Variants in CTNNA3 observed in about 807,000 individuals in gnomAD.
The protein encoded by CTNNA3 is catenin alpha 3.
CTNNA3 carries 76 observed loss-of-function variants against 95.7 expected under a neutral mutation model. The observed-to-expected ratio is 0.79, with a 90% CI of 0.66 to 0.96. The LOEUF (loss-of-function observed/expected upper bound fraction) is 0.96, where lower values mean the gene tolerates loss of function less well. Among genes scored for constraint, CTNNA3 ranks in the 40% least tolerant of loss-of-function variants. CTNNA3 has a pLI of 0.00. For synonymous variants in CTNNA3, 431 were observed against 374.4 expected, an observed-to-expected ratio of 1.15 and a Z score of -1.74; for missense variants, 1,191 against 1,089.8, an observed-to-expected ratio of 1.09 and a Z score of -1.31.
At chr10:66,951,088 T>TACACACAC (rs3056558) in intron 7 of CTNNA3, among the ~76,000 whole-genome samples, 23 of 146,064 alleles carry the variant, frequency 1.6e-4, no homozygotes, top group African/African-American at 5.5e-4. Flanking sequence ...TAACATTAAA[T>TACACACAC]ACACACACAC....
chr10:66,189,011 C>T (rs1213983302), intron 13 of CTNNA3, among the ~76,000 whole-genome samples: 2 of 151,968 alleles, frequency 1.3e-5, no homozygotes, highest in Non-Finnish European at 2.9e-5. Flanking sequence ...TACCTACTAG[C>T]CATTTTACAT....
intron 14 of CTNNA3, among the ~76,000 whole-genome samples, chr10:66,071,573 C>T (rs554372946): frequency 2.0e-5 from 3 of 152,204 alleles, no homozygotes; most frequent in East Asian, 3.9e-4. Flanking sequence ...CCAACAAACA[C>T]GAATAATATT....
intron 10 of CTNNA3, among the ~76,000 whole-genome samples, chr10:66,619,944 T>G (rs768596184): frequency 3.9e-5 from 6 of 152,100 alleles, no homozygotes; most frequent in Non-Finnish European, 8.8e-5. Flanking sequence ...GAAACAATGG[T>G]AGAATTTCAC....
At chr10:67,476,226 G>T (rs142398983) in intron 5 of CTNNA3, among the ~76,000 whole-genome samples, 47 of 152,108 alleles carry the variant, frequency 3.1e-4, no homozygotes, top group South Asian at 1.0e-3. Context: ...TGCAGAAACC[G>T]TGGTACAGCG....
intron 6 of CTNNA3, among the ~76,000 whole-genome samples, chr10:67,187,723 T>A (rs780207675): frequency 1.3e-5 from 2 of 151,998 alleles, no homozygotes; most frequent in Non-Finnish European, 2.9e-5. Flanking sequence ...GTAACTGGAA[T>A]CACAGGTGTG....
At chr10:66,360,692 T>TTTCTTCC (rs1564896558) in intron 12 of CTNNA3, among the ~76,000 whole-genome samples, 2 of 59,236 alleles carry the variant, frequency 3.4e-5, no homozygotes, top group Non-Finnish European at 1.0e-4. Context: ...CCTTCCTTCC[T>TTTCTTCC]TTTCTTTCTT....
chr10:67,506,247 A>G (rs1335952757), intron 5 of CTNNA3, among the ~76,000 whole-genome samples: 1 of 152,222 alleles, frequency 6.6e-6, no homozygotes, highest in African/African-American at 2.4e-5. Context: ...TGAACAAAAT[A>G]TGGAGCAAAC....
chr10:67,353,736 C>T (rs530408787), intron 5 of CTNNA3, among the ~76,000 whole-genome samples: 24 of 152,002 alleles, frequency 1.6e-4, no homozygotes, highest in Non-Finnish European at 3.2e-4. Flanking sequence ...GCATCAAGGA[C>T]AGTGCACAGA....
intron 9 of CTNNA3, among the ~76,000 whole-genome samples, chr10:66,639,500 A>G (rs887219217): frequency 2.6e-5 from 4 of 152,116 alleles, no homozygotes; most frequent in African/African-American, 9.7e-5. Flanking sequence ...GTTATCTTAT[A>G]TTTTACTCAT....
intron 13 of CTNNA3, among the ~76,000 whole-genome samples, chr10:66,191,351 T>C (rs1466008961): frequency 6.6e-6 from 1 of 152,128 alleles, no homozygotes; most frequent in Non-Finnish European, 1.5e-5. Flanking sequence ...CATCCCTCCA[T>C]GTAATGTAAA....
At chr10:67,441,549 C>A (rs1042245149) in intron 5 of CTNNA3, among the ~76,000 whole-genome samples, 2 of 151,986 alleles carry the variant, frequency 1.3e-5, no homozygotes, top group Non-Finnish European at 2.9e-5. Context: ...AAGAAAGGAT[C>A]CTAAAAGCAC....
At chr10:67,656,819 A>AGAGT (rs939410829) in intron 1 of CTNNA3, among the ~76,000 whole-genome samples, 1 of 152,212 alleles carries the variant, frequency 6.6e-6, no homozygotes, top group Non-Finnish European at 1.5e-5. Flanking sequence ...TAAGCAGGGC[A>AGAGT]GAGTGAGCTA....
At chr10:66,889,494 C>T (rs1461035634) in intron 7 of CTNNA3, among the ~76,000 whole-genome samples, 1 of 152,070 alleles carries the variant, frequency 6.6e-6, no homozygotes, top group Admixed American at 6.6e-5. Context: ...GTAAATCTAT[C>T]TTCCATTCGA....
intron 7 of CTNNA3, among the ~76,000 whole-genome samples, chr10:66,998,862 G>A (rs938362536): frequency 6.6e-6 from 1 of 152,022 alleles, no homozygotes; most frequent in Non-Finnish European, 1.5e-5. Context: ...TTGTTCCAAT[G>A]GCTATATGTA....
chr10:66,098,051 A>G (rs1307852946), intron 14 of CTNNA3: 1 of 152,130 alleles, frequency 6.6e-6, no homozygotes. Context: ...GGGTCTGGGC[A>G]TTACCAGGTA....
chr10:66,070,309 A>T (rs1332358120), intron 14 of CTNNA3, among the ~76,000 whole-genome samples: 1 of 152,208 alleles, frequency 6.6e-6, no homozygotes, highest in Non-Finnish European at 1.5e-5. Context: ...GACACAGCTC[A>T]CTACTTCTGA....
chr10:66,063,828 A>G (rs1331231898), intron 15 of CTNNA3, among the ~76,000 whole-genome samples: 1 of 152,114 alleles, frequency 6.6e-6, no homozygotes, highest in East Asian at 1.9e-4. Flanking sequence ...TAAAATGCAT[A>G]TAATGCATAT....
At chr10:67,253,537 T>C (rs1222374269) in intron 5 of CTNNA3, among the ~76,000 whole-genome samples, 2 of 152,042 alleles carry the variant, frequency 1.3e-5, no homozygotes, top group Admixed American at 6.6e-5. Context: ...ATGAGCGAGA[T>C]GATTTAAATG....
At chr10:66,907,094 T>C (rs1846020271) in intron 7 of CTNNA3, among the ~76,000 whole-genome samples, 1 of 152,210 alleles carries the variant, frequency 6.6e-6, no homozygotes, top group African/African-American at 2.4e-5. Flanking sequence ...AGCTATTGAT[T>C]CTTTCAATTC....
Sources: allele counts gnomAD v4.1 joint callset (sites outside exome capture counted in the v4.1 genomes callset), GRCh38; gene constraint gnomAD v4.1.1; transcripts MANE v1.5; gene names NCBI Gene and HGNC (gene_info 2026-07-23, HGNC 2026-07-21).